Variants in LRRC37B observed in about 807,000 individuals in gnomAD.
LRRC37B encodes leucine rich repeat containing 37B.
A neutral mutation model predicts 98.3 loss-of-function variants in LRRC37B; 28 were observed. The ratio of observed to expected loss-of-function variants is 0.28; its 90% CI spans 0.21 to 0.39. The LOEUF is 0.39. Ranked by LOEUF, LRRC37B falls within the 10% of genes least tolerant of loss-of-function variation. LRRC37B has a pLI of 1.00. For missense variants in LRRC37B, 938 were observed against 1,182.7 expected (o/e 0.79, Z 3.03); for synonymous variants, 364 against 442.7 (o/e 0.82, Z 2.23).
intron 11 of LRRC37B, chr17:32,052,967 A>G: frequency 3.9e-6 from 1 of 253,844 alleles, no homozygotes. Context: ...TAAATAAAGT[A>G]TATGGGGGGG....
chr17:32,047,568 T>A, intron 8 of LRRC37B, 193 bp from the exon 12 acceptor site: 1 of 706,384 alleles, frequency 1.4e-6, no homozygotes, highest in Non-Finnish European at 2.4e-6. Flanking sequence ...TCCAAGTAGG[T>A]GGCCATGTCT....
Position 32,021,821 on chromosome 17 carries a change from T to TAAATA in LRRC37B, c.756_757insAAATA (p.Tyr253LysfsTer4). 1 of 1,614,112 alleles carries TAAATA rather than the reference T, an allele frequency of 6.2e-7. No homozygotes were observed. The highest frequency in any genetic ancestry group is 8.5e-7 in the Non-Finnish European group (1 of 1,180,018). Reference sequence around the variant, plus strand: ...GTCAGAAACAGACTTTGCCAGATGATTATTTGAGTATGGACACACTGTATC... The same window carrying TAAATA: ...GTCAGAAACAGACTTTGCCAGATGATAAATATATTTGAGTATGGACACACTGTATC... On this transcript the variant is annotated frameshift_variant, in exon 1 of 12. Coordinates refer to ENST00000327564, the Ensembl canonical transcript of LRRC37B. LOFTEE classifies it high-confidence loss of function.
In LRRC37B at chr17:32,034,819, A is replaced by T. The variant is rs937942162; in HGVS notation, c.2058-91A>T. 3.1e-6 allele frequency: 3 copies of T among 967,194 alleles called. No individual in the cohort carries two copies. The African/African-American group carries it at 5.0e-5, about 16-fold the overall frequency. The allele number at this position is 967,194 out of a possible 1,614,324, so 59.9% of individuals were successfully genotyped here. ...AAGCAGAAAATTATTTTTTTTACCT[A>T]AAAGTTCCATACCAAAAAATGAATA... On this transcript the variant is annotated intron_variant, in intron 5 of 11. Coordinates refer to ENST00000327564, the Ensembl canonical transcript of LRRC37B.
chr17:32,008,593 A>G (rs1316027246), intron 1 of LRRC37B, among the ~76,000 whole-genome samples: 2 of 152,160 alleles, frequency 1.3e-5, no homozygotes, highest in East Asian at 3.8e-4. Context: ...TTAAAAGGGA[A>G]TTAAGGATTT....
intron 3 of LRRC37B, among the ~76,000 whole-genome samples, chr17:32,029,846 T>C (rs1222117300): frequency 6.6e-6 from 1 of 152,212 alleles, no homozygotes; most frequent in African/African-American, 2.4e-5. Flanking sequence ...AACTCAGTTC[T>C]GGACTCCGCC....
At chr17:32,041,692 G>A in intron 7 of LRRC37B, 1 of 458,572 alleles carries the variant, frequency 2.2e-6, no homozygotes, top group South Asian at 1.5e-5. Flanking sequence ...ACACTTGGGT[G>A]GGAGGCTTAT....
At chr17:32,040,972 G>A (rs139211955) in intron 7 of LRRC37B, 15 of 868,190 alleles carry the variant, frequency 1.7e-5, no homozygotes, top group South Asian at 2.6e-5. Flanking sequence ...GAGGAGCTGC[G>A]TCAGGCGCTG....
chr17:32,021,971 C>T, exon 1 of LRRC37B: 1 of 1,614,112 alleles, frequency 6.2e-7, no homozygotes, highest in Non-Finnish European at 8.5e-7. Flanking sequence ...TTGAAGACAT[C>T]CAGTCCTCTT....
In LRRC37B at chr17:32,021,456, G is replaced by T; in HGVS notation, c.391G>T (p.Ala131Ser). The T allele has an allele frequency of 6.2e-7, 1 of 1,614,102 alleles. No homozygotes were observed. Among genetic ancestry groups the T allele is most frequent in the Non-Finnish European group, 8.5e-7 (1 of 1,179,998 alleles). ...TCCATTCCTGAAGGAATTGGATTCAGCTGGAGAGCTGCCCCTGGGGCCAGA... is the reference window on the plus strand; with the variant it reads ...TCCATTCCTGAAGGAATTGGATTCATCTGGAGAGCTGCCCCTGGGGCCAGA... The change falls in exon 1 of 12, where the codon GCT (alanine) becomes TCT (serine). Residue 131 changes from alanine to serine, a missense_variant. Transcript: ENST00000327564.
At chr17:32,013,770 G>A (rs1261960962) in intron 1 of LRRC37B, among the ~76,000 whole-genome samples, 2 of 150,914 alleles carry the variant, frequency 1.3e-5, no homozygotes, top group African/African-American at 4.9e-5. Flanking sequence ...TAGGTATATA[G>A]ATATGTATCT....
intron 1 of LRRC37B, among the ~76,000 whole-genome samples, chr17:32,015,825 TG>T (rs1487961256): frequency 6.6e-6 from 1 of 152,156 alleles, no homozygotes; most frequent in Admixed American, 6.5e-5. Flanking sequence ...CAGGGGGGCA[TG>T]AGTAATTGCC....
chr17:32,018,222 G>A (rs570179680), upstream of LRRC37B, among the ~76,000 whole-genome samples: 25 of 152,266 alleles, frequency 1.6e-4, no homozygotes, highest in Non-Finnish European at 3.1e-4. Context: ...AGCTACTCTG[G>A]AGGCTGAGGC....
At chr17:32,047,689 A>G in intron 8 of LRRC37B, 72 bp from the exon 12 acceptor site, 1 of 1,608,232 alleles carries the variant, frequency 6.2e-7, no homozygotes. Context: ...ACTGGGGCAT[A>G]TAGCTATGGA....
rs1456011117 is a variant in LRRC37B at position 32,027,843 on chromosome 17, A to G, written c.1904+3A>G. 13 of 1,601,354 alleles carry G rather than the reference A, an allele frequency of 8.1e-6. No homozygotes were observed. Among genetic ancestry groups the G allele is most frequent in the Non-Finnish European group, 1.1e-5 (13 of 1,174,840 alleles). On this transcript the variant is annotated splice_donor_region_variant and intron_variant, in intron 3 of 11. Coordinates refer to ENST00000327564, the Ensembl canonical transcript of LRRC37B. ...GGCCTGCTATACCTCCAGTATTTGT[A>G]AGTTAGTTAATCATATTTTTGAGTT...
At chr17:32,048,954 C>T in intron 9 of LRRC37B, 148 bp from the exon 13 acceptor site, 1 of 1,371,388 alleles carries the variant, frequency 7.3e-7, no homozygotes, top group Non-Finnish European at 1.0e-6. Context: ...AAACTACAAT[C>T]ATCCTCCTGA....
At chr17:32,030,171 G>C (rs1372846592) in intron 3 of LRRC37B, among the ~76,000 whole-genome samples, 1 of 151,998 alleles carries the variant, frequency 6.6e-6, no homozygotes, top group Non-Finnish European at 1.5e-5. Flanking sequence ...AATATGATTT[G>C]AATATTAGTT....
chr17:32,046,145 A>G (rs1313264861), intron 8 of LRRC37B, among the ~76,000 whole-genome samples: 26 of 152,326 alleles, frequency 1.7e-4, no homozygotes, highest in Admixed American at 1.4e-3. Context: ...TTCTTCATAT[A>G]GTGCAATGTA....
chr17:32,021,126 T>C (rs551018208), exon 1 of LRRC37B: 1 of 1,614,132 alleles, frequency 6.2e-7, no homozygotes. Flanking sequence ...TTTTGCTGAG[T>C]GCATAGCACC....
chr17:32,032,738 T>G (rs935083672), intron 5 of LRRC37B, among the ~76,000 whole-genome samples: 5 of 152,188 alleles, frequency 3.3e-5, no homozygotes, highest in Non-Finnish European at 7.3e-5. Context: ...ACTGAGGGTC[T>G]GTTTTTCTTT....
Sources: gnomAD v4.1 joint callset for allele counts (sites outside exome capture counted in the v4.1 genomes callset) on GRCh38, gnomAD v4.1.1 for gene constraint, MANE v1.5 for transcripts, NCBI Gene and HGNC (gene_info 2026-07-23, HGNC 2026-07-21) for gene names.